The following LSS variants were observed in gnomAD, a reference collection of about 807,000 sequenced individuals.
LSS encodes lanosterol synthase.
LSS carries 90 observed loss-of-function variants against 110.3 expected under a neutral mutation model. That is an observed-to-expected ratio of 0.82 (90% CI 0.69 to 0.97). The LOEUF (loss-of-function observed/expected upper bound fraction) is 0.97. LSS is among the 50% of genes least tolerant of loss of function. The probability of loss-of-function intolerance (pLI) is 0.00; values close to 1 mark genes in which losing one functional copy is unlikely to be tolerated. For missense variants in LSS, 927 were observed against 990.0 expected, an observed-to-expected ratio of 0.94 and a Z score of 0.85; for synonymous variants, 433 against 400.0, an observed-to-expected ratio of 1.08 and a Z score of -0.98.
chr21:46,194,495 C>T lies in LSS; in HGVS notation c.1984G>A (p.Val662Ile), dbSNP rs775211336. ...GGACGGTCCCGTCGTCCCCACCGAA[C>T]GGCCATCAGCCCCATCATGGCCCAG... ...TCWAMMGLMA[V>I]RHPDIEAQER... Residue 662 changes from valine (V) to isoleucine (I), a missense_variant, in exon 20 of 22, where the codon GTT (valine) becomes ATT (isoleucine). Transcript: ENST00000397728. 39 of 1,613,462 alleles carry T rather than the reference C, an allele frequency of 2.4e-5. No individual in the cohort carries two copies. The highest frequency in any genetic ancestry group is 1.3e-4 in the East Asian group (6 of 44,874).
At chr21:46,199,627 A>C (rs936097086) in intron 17 of LSS, among the ~76,000 whole-genome samples, 1 of 152,242 alleles carries the variant, frequency 6.6e-6, no homozygotes, top group South Asian at 2.1e-4. Flanking sequence ...TGAATGAATA[A>C]ACTGTGGTAC....
intron 17 of LSS, among the ~76,000 whole-genome samples, chr21:46,203,817 T>C (rs2080011118): frequency 6.6e-6 from 1 of 152,192 alleles, no homozygotes; most frequent in Non-Finnish European, 1.5e-5. Context: ...ACATAACTCA[T>C]GGGCCAGAGA....
rs1288797511 is a variant in LSS, at chr21:46,216,408, A to C, written c.764T>G (p.Leu255Arg). 2 of 1,613,848 alleles carry C rather than the reference A, an allele frequency of 1.2e-6. No homozygotes were observed. The highest frequency in any genetic ancestry group is 1.7e-6 in the Non-Finnish European group (2 of 1,180,026). The stretch of plus-strand genomic sequence containing the variant: ...TCCTACCTGGCGGAGGCTCTGGACC[A>C]GCGGGTCTTCCGCGGCACTCAGCCG... The part of the protein sequence containing the change: ...AVRLSAAEDP[L>R]VQSLRQELYV... The change falls in exon 7 of 22, where the codon CTG becomes CGG. Residue 255 changes from leucine to arginine, a missense_variant. By Grantham distance (102) the Leu-to-Arg change is moderately radical. Coordinates refer to ENST00000397728, the MANE Select transcript of LSS (RefSeq NM_002340.6). This position sits in a 1 kb window ranked among gnomAD's most constrained non-coding sequence, Gnocchi z 4.2.
At chr21:46,218,446 A>C (rs999922593) in intron 6 of LSS, among the ~76,000 whole-genome samples, 1 of 152,046 alleles carries the variant, frequency 6.6e-6, no homozygotes, top group East Asian at 2.0e-4. Context: ...CAACATAGTG[A>C]AACCCTGTCT....
Position 46,189,088 on chromosome 21 carries a change from T to C in LSS, c.*2016A>G, listed in dbSNP as rs1475507299. On this transcript the variant is annotated 3_prime_UTR_variant, in exon 22 of 22. Coordinates refer to ENST00000397728, the MANE Select transcript of LSS (RefSeq NM_002340.6). ...ACAGCCAGAAACCCCAAATCTGCAG[T>C]TCTCCCCAGGATGAAACGAAACACA... 7.7e-6 allele frequency: 2 copies of C among 260,208 alleles called. No homozygotes were observed. Among genetic ancestry groups the C allele is most frequent in the Non-Finnish European group, 1.5e-5 (2 of 130,370 alleles). 16.1% of individuals were successfully genotyped at this position (260,208 alleles called of 1,614,324 possible).
chr21:46,224,156 TGCA>T (rs1382899640), intron 3 of LSS, among the ~76,000 whole-genome samples: 1 of 152,258 alleles, frequency 6.6e-6, no homozygotes, highest in East Asian at 1.9e-4. Flanking sequence ...GTCTCTGATA[TGCA>T]GAAATAATGG....
chr21:46,196,706 G>T (rs1266666225), intron 17 of LSS, among the ~76,000 whole-genome samples: 1 of 152,234 alleles, frequency 6.6e-6, no homozygotes, highest in Non-Finnish European at 1.5e-5. Context: ...AGGCCAGAGC[G>T]AAGTGTCTAC....
chr21:46,215,395 G>T, intron 8 of LSS, 97 bp from the exon 9 acceptor site: 1 of 817,490 alleles, frequency 1.2e-6, no homozygotes, highest in South Asian at 1.6e-5. Flanking sequence ...CCTTCCCAGG[G>T]TTTCCCCCTC....
intron 13 of LSS, 66 bp from the exon 14 acceptor site, chr21:46,208,367 A>T: frequency 7.3e-7 from 1 of 1,374,692 alleles, no homozygotes; most frequent in South Asian, 1.2e-5. Flanking sequence ...CCCATCTGGG[A>T]CATCGCTGAG....
At chr21:46,205,491 C>G (rs933232270) in intron 17 of LSS, among the ~76,000 whole-genome samples, 4 of 152,218 alleles carry the variant, frequency 2.6e-5, no homozygotes, top group Non-Finnish European at 5.9e-5. Flanking sequence ...TCAAGAAGAC[C>G]AACCTGTACA....
At chr21:46,224,968 T>C (rs2080319205) in intron 3 of LSS, 1 of 152,178 alleles carries the variant, frequency 6.6e-6, no homozygotes, top group South Asian at 2.1e-4. Flanking sequence ...ATACAAAAAT[T>C]AGCCAGGCAT....
chr21:46,228,660 G>T, intron 1 of LSS, 61 bp from the exon 2 acceptor site: 1 of 1,598,116 alleles, frequency 6.3e-7, no homozygotes. Flanking sequence ...CCGGCCCACT[G>T]CCCCAGTCGC....
intron 19 of LSS, 138 bp from the exon 20 acceptor site, chr21:46,194,799 C>T (rs1044722420): frequency 5.3e-6 from 4 of 750,640 alleles, no homozygotes; most frequent in Non-Finnish European, 8.4e-6. Flanking sequence ...CCATGGGCCA[C>T]TACTGAAACC....
At position 46,222,647 on chromosome 21, in the gene LSS, AG is replaced by A; in HGVS notation, c.410del (p.Pro137LeufsTer64). 6.2e-7 allele frequency: 1 copy of A among 1,613,504 alleles called. No individual in the cohort carries two copies. Among genetic ancestry groups the A allele is most frequent in the Non-Finnish European group, 8.5e-7 (1 of 1,179,916 alleles). On this transcript the variant is annotated frameshift_variant, in exon 4 of 22. Coordinates refer to ENST00000397728, the MANE Select transcript of LSS (RefSeq NM_002340.6). LOFTEE classifies it high-confidence loss of function. ...ACACTCACAGGCCCCAGCCACCGTC[AG>A]GGAGCTGCACTGACCGCAGGTACCG... Reference protein sequence around the residue: ...IVRYLRSVQLPDGGWGLHIED... With the variant: ...IVRYLRSVQLXDGGWGLHIED...
chr21:46,212,897 C>T, intron 11 of LSS, 128 bp downstream of exon 11: 1 of 1,134,946 alleles, frequency 8.8e-7, no homozygotes, highest in East Asian at 2.5e-5. Flanking sequence ...CCTCAACTGA[C>T]TCAGCCTCTA....
chr21:46,195,400 C>G (rs1053060664), intron 19 of LSS, among the ~76,000 whole-genome samples: 3 of 152,170 alleles, frequency 2.0e-5, no homozygotes, highest in African/African-American at 7.2e-5. Flanking sequence ...AGCAAGACTC[C>G]ATCTCTACAT....
intron 3 of LSS, among the ~76,000 whole-genome samples, chr21:46,226,441 G>C (rs1237074190): frequency 6.6e-6 from 1 of 152,210 alleles, no homozygotes; most frequent in African/African-American, 2.4e-5. Flanking sequence ...AGAGCACCTT[G>C]ACTTCCCCTA....
At chr21:46,219,713 A>C in intron 5 of LSS, 141 bp from the exon 6 acceptor site, 7 of 497,098 alleles carry the variant, frequency 1.4e-5, no homozygotes, top group South Asian at 1.3e-4. Context: ...GGATCTTGCG[A>C]CCCCCATGTG....
intron 3 of LSS, chr21:46,225,202 T>C (rs1357627003): frequency 4.5e-6 from 1 of 223,606 alleles, no homozygotes; most frequent in East Asian, 1.1e-4. Flanking sequence ...TAATCCTCGC[T>C]CTACAATCAT....
Sources: gnomAD v4.1 joint callset for allele counts (sites outside exome capture counted in the v4.1 genomes callset) on GRCh38, gnomAD v4.1.1 for gene constraint, Gnocchi (gnomAD v3.1) non-coding constraint, MANE v1.5 for transcripts, NCBI Gene and HGNC (gene_info 2026-07-23, HGNC 2026-07-21) for gene names.